The following DQX1 variants were observed in gnomAD, a reference collection of about 807,000 sequenced individuals.
DQX1 encodes the protein DEAQ-box RNA dependent ATPase 1.
Under a neutral mutation model 81.3 loss-of-function variants are expected in DQX1, and 66 were observed. The ratio of observed to expected loss-of-function variants is 0.81; its 90% CI spans 0.67 to 1.00. The LOEUF is 1.00. Among genes scored for constraint, DQX1 ranks in the 50% least tolerant of loss-of-function variants. DQX1 has a pLI of 0.00. For missense variants in DQX1, 798 were observed against 867.9 expected, an observed-to-expected ratio of 0.92 and a Z score of 1.01; for synonymous variants, 290 against 350.0, an observed-to-expected ratio of 0.83 and a Z score of 1.91.
chr2:74,523,842 A>G, intron 4 of DQX1, 81 bp downstream of exon 4: 1 of 1,450,338 alleles, frequency 6.9e-7, no homozygotes, highest in Non-Finnish European at 9.1e-7. Flanking sequence ...CCCATTCCTC[A>G]GGACTGGAAG....
At chr2:74,520,471 G>T (rs1011589373) in intron 8 of DQX1, among the ~76,000 whole-genome samples, 2 of 152,186 alleles carry the variant, frequency 1.3e-5, no homozygotes, top group African/African-American at 4.8e-5. Flanking sequence ...AGCATGGCAC[G>T]TAAGTTAATA....
In DQX1 at chr2:74,525,403, C is replaced by T; in HGVS notation, c.237+90G>A. 7.1e-7 allele frequency: 1 copy of T among 1,407,322 alleles called. No homozygotes were observed. Among genetic ancestry groups the T allele is most frequent in the Non-Finnish European group, 9.7e-7 (1 of 1,035,694 alleles). The allele number at this position is 1,407,322 out of a possible 1,614,324, so 87.2% of individuals were successfully genotyped here. A position where few individuals can be genotyped will look rare whatever the true frequency, so the allele number is the denominator to read the frequency against. ...CCCCACGCAGCCCAGTCCCCCCTTG[C>T]CCAGGGAAAGGCCACTTTCCCTTTG... On this transcript the variant is annotated intron_variant, in intron 2 of 11. Transcript: ENST00000404568. This position sits in a 1 kb window ranked among gnomAD's most constrained non-coding sequence, Gnocchi z 4.1.
At chr2:74,519,534 C>T in intron 10 of DQX1, 22 bp downstream of exon 10, 1 of 1,611,518 alleles carries the variant, frequency 6.2e-7, no homozygotes, top group Non-Finnish European at 8.5e-7. Context: ...TGATCACCCT[C>T]ACCCCCACCC....
intron 3 of DQX1, 139 bp from the exon 4 acceptor site, chr2:74,524,446 A>G (rs1028916717): frequency 2.3e-5 from 28 of 1,223,980 alleles, no homozygotes; most frequent in Non-Finnish European, 3.0e-5. Context: ...GAGCCTATGG[A>G]CCCATAACTG....
In DQX1 at chr2:74,525,672, C is replaced by G. The variant is rs1378479168; in HGVS notation, c.58G>C (p.Glu20Gln). 3 of 1,551,770 alleles carry G rather than the reference C, an allele frequency of 1.9e-6. No homozygotes were observed. The highest frequency in any genetic ancestry group is 2.6e-6 in the Non-Finnish European group (3 of 1,147,020). ...CCATCAAAGGGGTTCACAGCCAGTTCAGACTCCCCAGGACTTGGGCCATAC... is the reference window on the plus strand; with the variant it reads ...CCATCAAAGGGGTTCACAGCCAGTTGAGACTCCCCAGGACTTGGGCCATAC... ...EEYGPSPGES[E>Q]LAVNPFDGLP... The change falls in exon 2 of 12, where the codon GAA becomes CAA. Residue 20 changes from glutamate (E) to glutamine (Q), a missense_variant. Coordinates refer to ENST00000404568, the MANE Select transcript of DQX1 (RefSeq NM_133637.3). The surrounding 1 kb of genome is among the most constrained non-coding windows in gnomAD (Gnocchi z 4.1).
Position 74,518,985 on chromosome 2 carries a change from A to C in DQX1, c.1997+55T>G, listed in dbSNP as rs1271070813. 2.1e-6 allele frequency: 3 copies of C among 1,463,050 alleles called. No individual in the cohort carries two copies. In the African/African-American group the frequency reaches 4.3e-5, roughly 21 times the overall value. 90.6% of individuals were successfully genotyped at this position (1,463,050 alleles called of 1,614,324 possible). A position where few individuals can be genotyped will look rare whatever the true frequency, so the allele number is the denominator to read the frequency against. On this transcript the variant is annotated intron_variant, in intron 11 of 11. Coordinates refer to ENST00000404568, the MANE Select transcript of DQX1 (RefSeq NM_133637.3). ...CTGTCTCTCTAACTCCCCAGCCATA[A>C]TTTTGGCCCCAGGGAGAGGAATAGG...
At chr2:74,521,773 C>T (rs1246539685) in intron 8 of DQX1, among the ~76,000 whole-genome samples, 3 of 142,726 alleles carry the variant, frequency 2.1e-5, no homozygotes, top group African/African-American at 7.8e-5. Context: ...CTCCCTCTCT[C>T]CCCCTCTTTC....
At chr2:74,523,070 T>C (rs1169556857) in intron 6 of DQX1, 49 bp downstream of exon 6, 1 of 1,613,876 alleles carries the variant, frequency 6.2e-7, no homozygotes, top group Non-Finnish European at 8.5e-7. Flanking sequence ...AGGGCTTGCA[T>C]GTTGGTGACT....
At position 74,519,112 on chromosome 2, in the gene DQX1, C is replaced by T. The variant is rs200384834; in HGVS notation, c.1925G>A (p.Trp642Ter). 1.7e-4 allele frequency: 270 copies of T among 1,611,618 alleles called. 1 individual carries two copies. Among genetic ancestry groups the T allele is most frequent in the Non-Finnish European group, 1.7e-5 (20 of 1,179,184 alleles). The change falls in exon 11 of 12, where the codon TGG becomes TAG. Residue 642 changes from tryptophan to a stop codon, truncating the protein, a stop_gained. Transcript: ENST00000404568. LOFTEE classifies it high-confidence loss of function. The part of the protein sequence containing the change: ...SRRAPARPPP[W>*]VLYHNFTISK... The stretch of plus-strand genomic sequence containing the variant: ...TATGGTGAAATTGTGGTAGAGCACC[C>T]ATGGTGGGGGTCTGGCAGGAGCTCT...
At position 74,522,637 on chromosome 2, in the gene DQX1, C is replaced by T. The variant is rs1675058106; in HGVS notation, c.1438G>A (p.Ala480Thr). 1 of 1,614,068 alleles carries T rather than the reference C, an allele frequency of 6.2e-7. No homozygotes were observed. Among genetic ancestry groups the T allele is most frequent in the Admixed American group, 1.7e-5 (1 of 60,006 alleles). ...LAPELAKALL[A>T]SCEFDCVDEM... is the part of the protein sequence containing the mutation. ...TCCACACAGTCAAACTCGCATGAGG[C>T]CAGCAGGGCTTTGGCCAGCTCAGGG... Residue 480 changes from alanine (A) to threonine (T), a missense_variant, in exon 8 of 12, where the codon GCC (alanine) becomes ACC (threonine). Transcript: ENST00000404568.
chr2:74,522,788 G>C lies in DQX1; in HGVS notation c.1304-17C>G. 1 of 1,613,924 alleles carries C rather than the reference G, an allele frequency of 6.2e-7. No homozygotes were observed. Among genetic ancestry groups the C allele is most frequent in the South Asian group, 1.1e-5 (1 of 91,064 alleles). On this transcript the variant is annotated splice_polypyrimidine_tract_variant and intron_variant, in intron 7 of 11. Coordinates refer to ENST00000404568, the MANE Select transcript of DQX1 (RefSeq NM_133637.3). Reference sequence around the variant, plus strand: ...CTTCTGGAGCTGGTGAGGAAACAGGGCTTACAGGATATGAAGTTTCAGAAC... The same window carrying C: ...CTTCTGGAGCTGGTGAGGAAACAGGCCTTACAGGATATGAAGTTTCAGAAC...
intron 4 of DQX1, 123 bp from the exon 5 acceptor site, chr2:74,523,660 G>T: frequency 1.9e-6 from 2 of 1,032,294 alleles, no homozygotes; most frequent in South Asian, 3.3e-5. Context: ...TACTCATAAA[G>T]TTGAAGGTTT....
In DQX1 at chr2:74,522,789, C is replaced by A. The variant is rs774069999; in HGVS notation, c.1304-18G>T. ...TTCTGGAGCTGGTGAGGAAACAGGGCTTACAGGATATGAAGTTTCAGAACT... is the reference window on the plus strand; with the variant it reads ...TTCTGGAGCTGGTGAGGAAACAGGGATTACAGGATATGAAGTTTCAGAACT... On this transcript the variant is annotated intron_variant, in intron 7 of 11. Coordinates refer to ENST00000404568, the MANE Select transcript of DQX1 (RefSeq NM_133637.3). 3.7e-6 allele frequency: 6 copies of A among 1,613,712 alleles called. No individual in the cohort carries two copies. In the African/African-American group the frequency reaches 8.0e-5, roughly 22 times the overall value.
At chr2:74,523,856 A>G (rs1675103678) in intron 4 of DQX1, 67 bp downstream of exon 4, 2 of 1,462,762 alleles carry the variant, frequency 1.4e-6, no homozygotes, top group South Asian at 1.5e-5. Context: ...CTGGAAGATG[A>G]TGATGAGTAC....
At chr2:74,518,634 C>A in intron 11 of DQX1, 32 bp from the exon 12 acceptor site, 1 of 1,604,604 alleles carries the variant, frequency 6.2e-7, no homozygotes, top group South Asian at 1.1e-5. Flanking sequence ...AGATGATCTG[C>A]ATCTTCTCTC....
intron 8 of DQX1, among the ~76,000 whole-genome samples, chr2:74,520,668 TTTG>T (rs58920015): frequency 6.6e-6 from 1 of 151,982 alleles, no homozygotes; most frequent in Non-Finnish European, 1.5e-5. Context: ...TGGGGTTTTT[TTTG>T]TTGTTGTTGT....
Position 74,523,180 on chromosome 2 carries a change from C to G in DQX1, c.1083G>C (p.Leu361Phe). ...NPRIRAEFQV[L>F]RPISKCQAEA... ...CTGCCTGACACTTGCTGATTGGCCT[C>G]AACACTTGGAATTCTGCTCGGATCC... Residue 361 changes from leucine (L) to phenylalanine (F), a missense_variant, in exon 6 of 12, where the codon TTG (leucine) becomes TTC (phenylalanine). By Grantham distance (22) the Leu-to-Phe change is conservative (BLOSUM62 0). Transcript: ENST00000404568. The G allele has an allele frequency of 6.2e-7, 1 of 1,614,180 alleles. No homozygotes were observed. The highest frequency in any genetic ancestry group is 8.5e-7 in the Non-Finnish European group (1 of 1,180,034).
At position 74,525,648 on chromosome 2, in the gene DQX1, C is replaced by T. The variant is rs1008791944; in HGVS notation, c.82G>A (p.Gly28Arg). 20 of 1,551,778 alleles carry T rather than the reference C, an allele frequency of 1.3e-5. No individual in the cohort carries two copies. The highest frequency in any genetic ancestry group is 1.7e-5 in the Non-Finnish European group (19 of 1,147,018). ...ESELAVNPFD[G>R]LPFSSRYYEL... is the part of the protein sequence containing the mutation. ...TAGTAGCGGGAAGAGAAGGGAAGCCCATCAAAGGGGTTCACAGCCAGTTCA... is the reference window on the plus strand; with the variant it reads ...TAGTAGCGGGAAGAGAAGGGAAGCCTATCAAAGGGGTTCACAGCCAGTTCA... Residue 28 changes from glycine (G) to arginine (R), a missense_variant, in exon 2 of 12, where the codon GGG (glycine) becomes AGG (arginine). Transcript: ENST00000404568. The surrounding 1 kb of genome is among the most constrained non-coding windows in gnomAD (Gnocchi z 4.1).
chr2:74,520,484 A>G (rs1674995368), intron 8 of DQX1, among the ~76,000 whole-genome samples: 1 of 152,202 alleles, frequency 6.6e-6, no homozygotes, highest in Non-Finnish European at 1.5e-5. Flanking sequence ...AGTTAATAAT[A>G]TAGCATATTT....
Sources: gnomAD v4.1 joint callset for allele counts (sites outside exome capture counted in the v4.1 genomes callset) on GRCh38, gnomAD v4.1.1 for gene constraint, Gnocchi (gnomAD v3.1) non-coding constraint, MANE v1.5 for transcripts, NCBI Gene and HGNC (gene_info 2026-07-23, HGNC 2026-07-21) for gene names.